Variants in SLIT3 observed in about 807,000 individuals in gnomAD.
The protein encoded by SLIT3 is slit homolog 3 protein.
A neutral mutation model predicts 184.0 loss-of-function variants in SLIT3; 68 were observed. The observed-to-expected ratio is 0.37, with a 90% confidence interval of 0.30 to 0.45. The LOEUF (loss-of-function observed/expected upper bound fraction) is 0.45. Ranked by LOEUF, SLIT3 falls within the 20% of genes least tolerant of loss-of-function variation. The pLI, the probability that SLIT3 is intolerant of heterozygous loss-of-function variation, is 1.00. For missense variants in SLIT3, 1,707 were observed against 2,026.0 expected (o/e 0.84, Z 3.02); for synonymous variants, 831 against 828.6 (o/e 1.00, Z -0.05).
chr5:168,812,074 CGTTAT>C (rs1581107249), intron 8 of SLIT3, among the ~76,000 whole-genome samples: 1 of 152,116 alleles, frequency 6.6e-6, no homozygotes, highest in African/African-American at 2.4e-5. Context: ...AACCGGAGGA[CGTTAT>C]GTTAGGTGAA....
At chr5:168,735,473 G>A (rs960426699) in intron 20 of SLIT3, among the ~76,000 whole-genome samples, 1 of 152,082 alleles carries the variant, frequency 6.6e-6, no homozygotes, top group Non-Finnish European at 1.5e-5. Flanking sequence ...GTGTGACCCT[G>A]GGTGAAGTAC....
chr5:169,239,716 A>T (rs1765328854), intron 3 of SLIT3, among the ~76,000 whole-genome samples: 1 of 151,976 alleles, frequency 6.6e-6, no homozygotes, highest in Admixed American at 6.6e-5. Flanking sequence ...TTCAAGAATT[A>T]GTTTGGCTTT....
intron 4 of SLIT3, among the ~76,000 whole-genome samples, chr5:169,120,876 G>A (rs1760849865): frequency 6.6e-6 from 1 of 152,034 alleles, no homozygotes; most frequent in Admixed American, 6.6e-5. Flanking sequence ...AGAGGTGATG[G>A]GTCTAATCCT....
intron 4 of SLIT3, among the ~76,000 whole-genome samples, chr5:169,071,445 T>C (rs1201215329): frequency 6.6e-6 from 1 of 152,036 alleles, no homozygotes; most frequent in Non-Finnish European, 1.5e-5. Flanking sequence ...AGAAAGAGCG[T>C]TTGAGGGAAA....
chr5:168,913,896 T>C, intron 4 of SLIT3, among the ~76,000 whole-genome samples: 1 of 152,238 alleles, frequency 6.6e-6, no homozygotes, highest in South Asian at 2.1e-4. Context: ...TGTTTATGCA[T>C]ATACTGGTAT....
intron 5 of SLIT3, among the ~76,000 whole-genome samples, chr5:168,880,244 G>A (rs1003704327): frequency 3.3e-5 from 5 of 152,104 alleles, no homozygotes; most frequent in Non-Finnish European, 7.4e-5. Flanking sequence ...TCCCCTTCCA[G>A]AACAAATGTT....
At chr5:168,839,954 G>A (rs765584023) in intron 6 of SLIT3, among the ~76,000 whole-genome samples, 1 of 152,198 alleles carries the variant, frequency 6.6e-6, no homozygotes, top group Non-Finnish European at 1.5e-5. Context: ...TGCTCAGGGT[G>A]CAGAATGCTA....
At position 168,726,408 on chromosome 5, in the gene SLIT3, G is replaced by C. The variant is rs1256082054; in HGVS notation, c.2271-1924C>G. On this transcript the variant is annotated intron_variant, in intron 20 of 35. Coordinates refer to ENST00000519560, the MANE Select transcript of SLIT3 (RefSeq NM_003062.4). ...AGGCAGGGAGGCAGAGGGAGGCAGGGAGGCAGAGGGAGGCAGGGAGGAAGA... is the reference window on the plus strand; with the variant it reads ...AGGCAGGGAGGCAGAGGGAGGCAGGCAGGCAGAGGGAGGCAGGGAGGAAGA... Among the ~76,000 whole-genome samples, 117 of 43,726 alleles carry C rather than the reference G, an allele frequency of 2.7e-3. 2 individuals carry two copies. Among genetic ancestry groups the C allele is most frequent in the African/African-American group, 9.9e-3 (114 of 11,552 alleles). 28.7% of individuals were successfully genotyped at this position (43,726 alleles called of 152,430 possible).
At chr5:168,889,368 A>G (rs1219519422) in intron 4 of SLIT3, among the ~76,000 whole-genome samples, 1 of 152,226 alleles carries the variant, frequency 6.6e-6, no homozygotes, top group Non-Finnish European at 1.5e-5. Flanking sequence ...GAGGAAGATT[A>G]CAATGGAGTA....
chr5:169,069,099 A>T (rs1201254592), intron 4 of SLIT3, among the ~76,000 whole-genome samples: 1 of 152,172 alleles, frequency 6.6e-6, no homozygotes, highest in African/African-American at 2.4e-5. Context: ...GCTTTATGCA[A>T]ATTATCTCAG....
chr5:169,153,299 G>A (rs1762187689), intron 4 of SLIT3, among the ~76,000 whole-genome samples: 1 of 125,082 alleles, frequency 8.0e-6, no homozygotes, highest in Non-Finnish European at 1.6e-5. Context: ...AAATGGACAA[G>A]TAACGATTTT....
At chr5:168,868,671 C>T (rs1759396012) in intron 5 of SLIT3, among the ~76,000 whole-genome samples, 1 of 148,694 alleles carries the variant, frequency 6.7e-6, no homozygotes. Flanking sequence ...TCTTTTGAAC[C>T]CAGGAGGCAG....
At chr5:168,757,637 G>A (rs1219223740) in intron 16 of SLIT3, among the ~76,000 whole-genome samples, 2 of 152,116 alleles carry the variant, frequency 1.3e-5, no homozygotes, top group East Asian at 1.9e-4. Context: ...GGGTTTCACC[G>A]TGTTAGTCAG....
intron 4 of SLIT3, among the ~76,000 whole-genome samples, chr5:168,944,729 C>A (rs531757871): frequency 6.6e-6 from 1 of 152,206 alleles, no homozygotes; most frequent in East Asian, 1.9e-4. Context: ...AAAAGGGTAC[C>A]TTCCACCTCC....
chr5:168,876,227 AG>A (rs1304025702), intron 5 of SLIT3, among the ~76,000 whole-genome samples: 1 of 152,096 alleles, frequency 6.6e-6, no homozygotes, highest in African/African-American at 2.4e-5. Context: ...TGCTCGATTT[AG>A]GTCCCCCATA....
intron 3 of SLIT3, among the ~76,000 whole-genome samples, chr5:169,203,334 T>TGC (rs1449888179): frequency 6.8e-6 from 1 of 147,338 alleles, no homozygotes; most frequent in Non-Finnish European, 1.5e-5. Context: ...CACATATTTA[T>TGC]GCGTGCATGT....
intron 10 of SLIT3, among the ~76,000 whole-genome samples, chr5:168,795,097 T>C (rs527402235): frequency 2.4e-4 from 36 of 152,346 alleles, no homozygotes; most frequent in African/African-American, 8.4e-4. Flanking sequence ...TATGAATGTA[T>C]GCCTGGTTGG....
At chr5:169,130,009 G>A (rs1002776984) in intron 4 of SLIT3, among the ~76,000 whole-genome samples, 3 of 152,104 alleles carry the variant, frequency 2.0e-5, no homozygotes, top group African/African-American at 4.8e-5. Context: ...CAACTGCGCC[G>A]GGCTAATTTT....
At chr5:169,270,382 G>T (rs974703355) in intron 1 of SLIT3, among the ~76,000 whole-genome samples, 1 of 152,190 alleles carries the variant, frequency 6.6e-6, no homozygotes, top group African/African-American at 2.4e-5. Context: ...TTTTCATATG[G>T]ATTGGGAGCC....
Sources: allele counts gnomAD v4.1 joint callset (sites outside exome capture counted in the v4.1 genomes callset), GRCh38; gene constraint gnomAD v4.1.1; transcripts MANE v1.5; gene names NCBI Gene and HGNC (gene_info 2026-07-23, HGNC 2026-07-21).